ASB4: variants seen among roughly 807,000 people sequenced by gnomAD.
The protein encoded by ASB4 is ankyrin repeat and SOCS box containing 4.
Under a neutral mutation model 38.6 loss-of-function variants are expected in ASB4, and 35 were observed. That is an observed-to-expected ratio of 0.91 (90% CI 0.69 to 1.20). The LOEUF (loss-of-function observed/expected upper bound fraction) is 1.20. Ranked by LOEUF, ASB4 falls within the 50% of genes most tolerant of loss-of-function variation. ASB4 has a pLI of 0.00. For missense variants in ASB4, 557 were observed against 527.2 expected (o/e 1.06, Z -0.55); for synonymous variants, 195 against 201.3 (o/e 0.97, Z 0.26).
At chr7:95,492,108 G>A (rs1790180062) in intron 1 of ASB4, among the ~76,000 whole-genome samples, 1 of 152,168 alleles carries the variant, frequency 6.6e-6, no homozygotes, top group Non-Finnish European at 1.5e-5. Flanking sequence ...TCTTAGGAGA[G>A]GTGAGTTGTA....
intron 1 of ASB4, among the ~76,000 whole-genome samples, chr7:95,479,640 C>T (rs1790007516): frequency 6.6e-6 from 1 of 152,074 alleles, no homozygotes; most frequent in South Asian, 2.1e-4. Context: ...AAAATATGCA[C>T]TTTATTGCTT....
At chr7:95,495,306 G>A (rs368653439) in intron 1 of ASB4, among the ~76,000 whole-genome samples, 1 of 152,024 alleles carries the variant, frequency 6.6e-6, no homozygotes, top group Non-Finnish European at 1.5e-5. Context: ...ATTTTGGATA[G>A]AATAAAAATT....
At chr7:95,526,438 A>G (rs548122929) in intron 2 of ASB4, among the ~76,000 whole-genome samples, 1 of 151,090 alleles carries the variant, frequency 6.6e-6, no homozygotes, top group Non-Finnish European at 1.5e-5. Flanking sequence ...GCCGGTTGCA[A>G]CTTTGCAACG....
At chr7:95,516,839 C>T (rs949040747) in intron 2 of ASB4, among the ~76,000 whole-genome samples, 1 of 152,120 alleles carries the variant, frequency 6.6e-6, no homozygotes, top group African/African-American at 2.4e-5. Flanking sequence ...TCTAAGAGGC[C>T]CTTTTCTCCA....
chr7:95,508,218 A>G, intron 2 of ASB4, among the ~76,000 whole-genome samples: 1 of 152,140 alleles, frequency 6.6e-6, no homozygotes, highest in East Asian at 1.9e-4. Flanking sequence ...CAGAGCAGGT[A>G]AAAGGATTGA....
chr7:95,497,522 A>G (rs1358926707), intron 2 of ASB4, among the ~76,000 whole-genome samples: 1 of 152,206 alleles, frequency 6.6e-6, no homozygotes, highest in African/African-American at 2.4e-5. Flanking sequence ...AGAGGCACCT[A>G]TGTAGGGATA....
At chr7:95,551,054 C>T in the ASB4 span, among the ~76,000 whole-genome samples, 2 of 152,166 alleles carry the variant, frequency 1.3e-5, no homozygotes, top group Non-Finnish European at 2.9e-5. Context: ...GATCTTGGCT[C>T]ACTGCAACCT....
intron 2 of ASB4, among the ~76,000 whole-genome samples, chr7:95,498,465 A>G (rs182171539): frequency 6.6e-6 from 1 of 152,272 alleles, no homozygotes; most frequent in South Asian, 2.1e-4. Context: ...ACATGTTTTC[A>G]TGTATTGATT....
intron 2 of ASB4, among the ~76,000 whole-genome samples, chr7:95,506,490 T>G (rs1186258382): frequency 6.6e-6 from 1 of 152,136 alleles, no homozygotes; most frequent in Non-Finnish European, 1.5e-5. Context: ...CATGAGACCA[T>G]ACATGCACCC....
chr7:95,542,615 G>C (rs1790985341), downstream of ASB4: 1 of 152,152 alleles, frequency 6.6e-6, no homozygotes, highest in South Asian at 2.1e-4. Flanking sequence ...ATTTTTAGTA[G>C]AGGCAGGGTT....
intron 4 of ASB4, 24 bp downstream of exon 4, chr7:95,536,574 T>C: frequency 1.3e-6 from 2 of 1,520,420 alleles, no homozygotes; most frequent in Non-Finnish European, 1.8e-6. Context: ...TCCCTTCTAA[T>C]AGTTTTCACT....
intron 1 of ASB4, among the ~76,000 whole-genome samples, chr7:95,489,535 A>G (rs1259406394): frequency 6.6e-6 from 1 of 152,198 alleles, no homozygotes; most frequent in East Asian, 1.9e-4. Context: ...ATCATGTTTT[A>G]TTAATTTAAA....
In ASB4 at chr7:95,537,866, G is replaced by C; in HGVS notation, c.*107G>C. The C allele has an allele frequency of 1.1e-6, 1 of 885,004 alleles. No individual in the cohort carries two copies. Among genetic ancestry groups the C allele is most frequent in the Non-Finnish European group, 1.7e-6 (1 of 578,442 alleles). 54.8% of individuals were successfully genotyped at this position (885,004 alleles called of 1,614,324 possible). A position where few individuals can be genotyped will look rare whatever the true frequency, so the allele number is the denominator to read the frequency against. On this transcript the variant is annotated 3_prime_UTR_variant, in exon 5 of 5. Transcript: ENST00000325885. ...CTTGGGTTGATTATAACACTTCAGG[G>C]ATTTCAAAACACTTTACAAACACTG...
intron 2 of ASB4, among the ~76,000 whole-genome samples, chr7:95,523,971 A>G (rs1790698881): frequency 6.6e-6 from 1 of 152,230 alleles, no homozygotes; most frequent in African/African-American, 2.4e-5. Context: ...AATTGGCTAA[A>G]ATTAAATAGA....
In ASB4 at chr7:95,537,773, G is replaced by C; in HGVS notation, c.*14G>C. 1 of 1,606,868 alleles carries C rather than the reference G, an allele frequency of 6.2e-7. No individual in the cohort carries two copies. On this transcript the variant is annotated 3_prime_UTR_variant, in exon 5 of 5. Transcript: ENST00000325885. The stretch of plus-strand genomic sequence containing the variant: ...ATTATTTATTAAGCCTTATGAGACA[G>C]CAGTTCCCAATCCTAGGTATTTAAG...
chr7:95,473,978 A>G (rs1048332645), upstream of ASB4: 2 of 152,212 alleles, frequency 1.3e-5, no homozygotes, highest in African/African-American at 4.8e-5. Context: ...TTAACTGAAA[A>G]TAAAGCCATA....
At chr7:95,549,165 A>G in the ASB4 span, among the ~76,000 whole-genome samples, 1 of 152,060 alleles carries the variant, frequency 6.6e-6, no homozygotes, top group Non-Finnish European at 1.5e-5. Context: ...TTACGGGAGG[A>G]TGGGGATATA....
At chr7:95,473,655 T>TTA (rs398111599), upstream of ASB4, 1 of 151,054 alleles carries the variant, frequency 6.6e-6, no homozygotes, top group African/African-American at 2.4e-5. Context: ...TTTTTTTTTT[T>TTA]AATCAACGGA....
At chr7:95,509,761 G>A (rs759190374) in intron 2 of ASB4, among the ~76,000 whole-genome samples, 11 of 152,162 alleles carry the variant, frequency 7.2e-5, no homozygotes, top group Non-Finnish European at 1.5e-4. Context: ...ATGTGGCTAT[G>A]TCAGGTACTT....
Sources: allele counts gnomAD v4.1 joint callset (sites outside exome capture counted in the v4.1 genomes callset), GRCh38; gene constraint gnomAD v4.1.1; transcripts MANE v1.5; gene names NCBI Gene and HGNC (gene_info 2026-07-23, HGNC 2026-07-21).